Variants in DUSP18 observed in about 807,000 individuals in gnomAD.
The protein encoded by DUSP18 is dual specificity protein phosphatase 18.
A neutral mutation model predicts 6.3 loss-of-function variants in DUSP18; 4 were observed. That is an observed-to-expected ratio of 0.63 (90% CI 0.31 to 1.45). The LOEUF is 1.45. Ranked by LOEUF, DUSP18 falls within the 40% of genes most tolerant of loss-of-function variation. The pLI, the probability that DUSP18 is intolerant of heterozygous loss-of-function variation, is 0.07. For synonymous variants in DUSP18, 96 were observed against 95.1 expected, an observed-to-expected ratio of 1.01 and a Z score of -0.05; for missense variants, 235 against 247.7, an observed-to-expected ratio of 0.95 and a Z score of 0.34.
chr22:30,659,519 G>A (rs922841341), downstream of DUSP18, among the ~76,000 whole-genome samples: 6 of 152,026 alleles, frequency 3.9e-5, no homozygotes, highest in African/African-American at 9.6e-5. Context: ...GATTACAGGC[G>A]CCCGCCACCA....
chr22:30,666,135 A>AG (rs2088648350), intron 1 of DUSP18, among the ~76,000 whole-genome samples: 1 of 152,200 alleles, frequency 6.6e-6, no homozygotes, highest in African/African-American at 2.4e-5. Context: ...CTAAATGCTA[A>AG]GGAATGTTCT....
chr22:30,663,155 G>T lies in DUSP18; in HGVS notation c.*282C>A, dbSNP rs370093997. The stretch of plus-strand genomic sequence containing the variant: ...GATTCCAGGCCTGCCATGTGCAATG[G>T]GTGCTGCCCTCTTTCTTCTGGGCAC... On this transcript the variant is annotated 3_prime_UTR_variant, in exon 2 of 2. Coordinates refer to ENST00000334679, the MANE Select transcript of DUSP18 (RefSeq NM_152511.5). 91 of 358,796 alleles carry T rather than the reference G, an allele frequency of 2.5e-4. No individual in the cohort carries two copies. Among genetic ancestry groups the T allele is most frequent in the African/African-American group, 1.8e-3 (86 of 48,298 alleles). 22.2% of individuals were successfully genotyped at this position (358,796 alleles called of 1,614,324 possible).
At chr22:30,655,429 C>CTAA (rs1389184839) in intron 2 of DUSP18, among the ~76,000 whole-genome samples, 1 of 111,670 alleles carries the variant, frequency 9.0e-6, no homozygotes, top group Non-Finnish European at 1.8e-5. Context: ...GAGATCCTAC[C>CTAA]AAAAAAAAAA....
At chr22:30,664,129 T>G in intron 1 of DUSP18, 49 bp from the exon 2 acceptor site, 1 of 827,412 alleles carries the variant, frequency 1.2e-6, no homozygotes, top group Non-Finnish European at 1.9e-6. Context: ...AGAGGGCCAA[T>G]TCCAGGGGAT....
chr22:30,654,240 T>TC (rs2088288716), intron 2 of DUSP18: 1 of 373,886 alleles, frequency 2.7e-6, no homozygotes, highest in African/African-American at 2.1e-5. Flanking sequence ...CGCCTCCGCC[T>TC]CCCAAAGTGC....
At chr22:30,654,298 T>G (rs568810337) in intron 2 of DUSP18, 3 of 457,534 alleles carry the variant, frequency 6.6e-6, no homozygotes, top group African/African-American at 6.0e-5. Flanking sequence ...CATGAGCTGT[T>G]TCTTATTCTG....
chr22:30,663,910 C>A lies in DUSP18; in HGVS notation c.94G>T (p.Gly32Cys). The change falls in exon 2 of 2, where the codon GGT becomes TGT. Residue 32 changes from glycine to cysteine, a missense_variant. Physicochemically the swap from Gly to Cys is radical, Grantham distance 159 (BLOSUM62 -3). Coordinates refer to ENST00000334679, the MANE Select transcript of DUSP18 (RefSeq NM_152511.5). ...QITKSLYISN[G>C]VAANNKLMLS... ...ATGAGCTTGTTGTTGGCGGCCACACCATTGCTGATATACAGGCTTTTGGTT... is the reference window on the plus strand; with the variant it reads ...ATGAGCTTGTTGTTGGCGGCCACACAATTGCTGATATACAGGCTTTTGGTT... The A allele has an allele frequency of 6.2e-7, 1 of 1,614,160 alleles. No individual in the cohort carries two copies. Among genetic ancestry groups the A allele is most frequent in the Non-Finnish European group, 8.5e-7 (1 of 1,180,022 alleles).
rs1268515501 is a variant in DUSP18 at position 30,667,436 on chromosome 22, TAGTGTCAGGACCCCC to T, written c.-78+11_-78+25del. On this transcript the variant is annotated intron_variant, in intron 1 of 1. Transcript: ENST00000334679. ...ATTGGAATAGGCTTCTTCGCCTGCTTAGTGTCAGGACCCCCAGGGTTTTACCTCTCTCCTTCAGGC... is the reference window on the plus strand; with the variant it reads ...ATTGGAATAGGCTTCTTCGCCTGCTTAGGGTTTTACCTCTCTCCTTCAGGC... The T allele has an allele frequency of 6.6e-6, 1 of 152,176 alleles. No homozygotes were observed. The highest frequency in any genetic ancestry group is 1.5e-5 in the Non-Finnish European group (1 of 68,026). 9.4% of individuals were successfully genotyped at this position (152,176 alleles called of 1,614,324 possible).
At chr22:30,657,600 A>AT (rs1333027606), downstream of DUSP18, among the ~76,000 whole-genome samples, 1 of 151,874 alleles carries the variant, frequency 6.6e-6, no homozygotes, top group Non-Finnish European at 1.5e-5. Context: ...CTCTAAAAAA[A>AT]TTTTTTAAAG....
chr22:30,666,394 G>A (rs2088664886), intron 1 of DUSP18, among the ~76,000 whole-genome samples: 1 of 152,086 alleles, frequency 6.6e-6, no homozygotes, highest in Non-Finnish European at 1.5e-5. Flanking sequence ...GCCGAGGCGG[G>A]CAGATCACCT....
intron 2 of DUSP18, among the ~76,000 whole-genome samples, chr22:30,653,264 G>A (rs755486204): frequency 9.9e-5 from 15 of 151,942 alleles, no homozygotes; most frequent in South Asian, 6.2e-4. Context: ...TGAACCCTTC[G>A]GCTATTGGGG....
rs1223034869 is a variant in DUSP18, at chr22:30,663,962, C to A, written c.42G>T (p.Gln14His). 12 of 1,614,040 alleles carry A rather than the reference C, an allele frequency of 7.4e-6. No homozygotes were observed. In the East Asian group the frequency reaches 2.7e-4, roughly 36 times the overall value. ...TCTGCGAGAGGCCGCTGACTGAGGG[C>A]TGCCGGAACTGAACTGGGAAGGCAC... ...PSCAFPVQFR[Q>H]PSVSGLSQIT... Residue 14 changes from glutamine (Q) to histidine (H), a missense_variant, in exon 2 of 2, where the codon CAG (glutamine) becomes CAT (histidine). Coordinates refer to ENST00000334679, the MANE Select transcript of DUSP18 (RefSeq NM_152511.5).
intron 1 of DUSP18, chr22:30,665,565 T>C (rs745942924): frequency 6.4e-6 from 3 of 470,760 alleles, no homozygotes; most frequent in African/African-American, 4.0e-5. Context: ...TAAAGGTAAC[T>C]GTTTTAAGGG....
In DUSP18 at chr22:30,662,011, G is replaced by A. The variant is rs2088485012; in HGVS notation, c.*1426C>T. On this transcript the variant is annotated 3_prime_UTR_variant, in exon 2 of 2. Coordinates refer to ENST00000334679, the MANE Select transcript of DUSP18 (RefSeq NM_152511.5). Reference sequence around the variant, plus strand: ...AAGTCTAGGCCTCCTGTGAGGTAGGGTCTGAAAGGACTTAAACCATTTTTT... The same window carrying A: ...AAGTCTAGGCCTCCTGTGAGGTAGGATCTGAAAGGACTTAAACCATTTTTT... 6.7e-6 allele frequency: 1 copy of A among 150,112 alleles called. No individual in the cohort carries two copies. Among genetic ancestry groups the A allele is most frequent in the Non-Finnish European group, 1.5e-5 (1 of 67,848 alleles). 9.3% of individuals were successfully genotyped at this position (150,112 alleles called of 1,614,324 possible).
At chr22:30,661,000 C>T (rs758225817), downstream of DUSP18, among the ~76,000 whole-genome samples, 16 of 152,118 alleles carry the variant, frequency 1.1e-4, no homozygotes, top group African/African-American at 1.4e-4. Flanking sequence ...CTTGCCACTA[C>T]GCCCTGCTTT....
At chr22:30,666,504 C>G (rs2088670753) in intron 1 of DUSP18, among the ~76,000 whole-genome samples, 1 of 151,526 alleles carries the variant, frequency 6.6e-6, no homozygotes, top group Non-Finnish European at 1.5e-5. Context: ...GGCCTGTAGT[C>G]CCAGCTACTC....
rs763786827 is a variant in DUSP18, at chr22:30,663,481, G to A, written c.523C>T (p.Pro175Ser). The A allele has an allele frequency of 1.9e-6, 3 of 1,613,828 alleles. No homozygotes were observed. The Admixed American group carries it at 5.0e-5, about 27-fold the overall frequency. The change falls in exon 2 of 2, where the codon CCT (proline) becomes TCT (serine). Residue 175 changes from proline to serine, a missense_variant. Physicochemically the swap from Pro to Ser is moderately conservative, Grantham distance 74. Transcript: ENST00000334679. ...CGGACTTCCTTCTCATAGATGTCAG[G>A]GATCATTCCCACTGGGGAACTGACC... ...HMVSSPVGMI[P>S]DIYEKEVRLM...
downstream of DUSP18, among the ~76,000 whole-genome samples, chr22:30,659,540 AT>A (rs1408188695): frequency 6.6e-6 from 1 of 151,938 alleles, no homozygotes; most frequent in Non-Finnish European, 1.5e-5. Context: ...CATCCAGCTA[AT>A]TTTTTGTATT....
At chr22:30,660,731 A>C (rs1417277533), downstream of DUSP18, among the ~76,000 whole-genome samples, 1 of 152,246 alleles carries the variant, frequency 6.6e-6, no homozygotes, top group East Asian at 1.9e-4. Context: ...ACAAGGAGAA[A>C]ATCTTAAAAA....
Sources: allele counts gnomAD v4.1 joint callset (sites outside exome capture counted in the v4.1 genomes callset), GRCh38; gene constraint gnomAD v4.1.1; transcripts MANE v1.5; gene names NCBI Gene and HGNC (gene_info 2026-07-23, HGNC 2026-07-21).